STAP1: variants seen among roughly 807,000 people sequenced by gnomAD.
The protein encoded by STAP1 is signal-transducing adaptor protein 1.
Under a neutral mutation model 37.8 loss-of-function variants are expected in STAP1, and 30 were observed. The ratio of observed to expected loss-of-function variants is 0.79; its 90% CI spans 0.59 to 1.08. STAP1 has a LOEUF of 1.08. Among genes scored for constraint, STAP1 ranks in the 50% least tolerant of loss-of-function variants. The pLI, the probability that STAP1 is intolerant of heterozygous loss-of-function variation, is 0.00. For synonymous variants in STAP1, 130 were observed against 116.0 expected, an observed-to-expected ratio of 1.12 and a Z score of -0.78; for missense variants, 357 against 349.4, an observed-to-expected ratio of 1.02 and a Z score of -0.17.
chr4:67,583,495 T>C (rs1213693395), intron 5 of STAP1, 79 bp from the exon 6 acceptor site: 1 of 1,432,264 alleles, frequency 7.0e-7, no homozygotes, highest in African/African-American at 1.5e-5. Flanking sequence ...CTCTCAAAGT[T>C]ATTTTGGTAG....
chr4:67,565,827 A>G lies in STAP1; in HGVS notation c.121-5257A>G, dbSNP rs187163470. Among the ~76,000 whole-genome samples the G allele has an allele frequency of 2.5e-3, 384 of 151,978 alleles. 2 individuals carry two copies. The highest frequency in any genetic ancestry group is 8.7e-3 in the African/African-American group (359 of 41,442). ...TTCAGTGTCTTTTGATATATTCACA[A>G]ACTTATACAACCATCACCAGTATCT... On this transcript the variant is annotated intron_variant, in intron 1 of 8. Coordinates refer to ENST00000265404, the MANE Select transcript of STAP1 (RefSeq NM_012108.4).
At chr4:67,595,400 A>AAT (rs1728203918) in intron 8 of STAP1, among the ~76,000 whole-genome samples, 1 of 138,170 alleles carries the variant, frequency 7.2e-6, no homozygotes, top group African/African-American at 2.8e-5. Flanking sequence ...AAAAAAAAAA[A>AAT]ATGCTGGGTA....
intron 1 of STAP1, among the ~76,000 whole-genome samples, chr4:67,564,746 C>G (rs190427140): frequency 0.011 from 1,691 of 152,170 alleles, 19 homozygotes; most frequent in Non-Finnish European, 0.015. Context: ...AACCCTGCCT[C>G]TACTAAAAAT....
intron 8 of STAP1, among the ~76,000 whole-genome samples, chr4:67,594,979 T>C (rs1728193577): frequency 6.6e-6 from 1 of 152,120 alleles, no homozygotes; most frequent in Non-Finnish European, 1.5e-5. Flanking sequence ...ATTTTCTTAG[T>C]GGGTGATTTG....
chr4:67,574,162 T>C (rs1388693257), intron 2 of STAP1, among the ~76,000 whole-genome samples: 1 of 152,100 alleles, frequency 6.6e-6, no homozygotes, highest in Non-Finnish European at 1.5e-5. Flanking sequence ...GAACAATGTA[T>C]AGTACACAAT....
intron 1 of STAP1, among the ~76,000 whole-genome samples, chr4:67,566,001 T>A (rs1164905033): frequency 1.5e-5 from 2 of 132,690 alleles, no homozygotes; most frequent in East Asian, 2.3e-4. Context: ...CAGTCTAGAG[T>A]GCAGTGGCGC....
intron 8 of STAP1, among the ~76,000 whole-genome samples, chr4:67,596,420 A>G (rs796602258): frequency 1.5e-4 from 23 of 152,272 alleles, no homozygotes; most frequent in African/African-American, 5.5e-4. Flanking sequence ...TAATACAAGA[A>G]TTGGTATTGG....
At chr4:67,575,825 A>T (rs1214945622) in intron 3 of STAP1, among the ~76,000 whole-genome samples, 2 of 152,154 alleles carry the variant, frequency 1.3e-5, no homozygotes, top group Admixed American at 6.5e-5. Flanking sequence ...TAATAACATA[A>T]AGAGAACAAC....
intron 4 of STAP1, among the ~76,000 whole-genome samples, chr4:67,580,704 G>C (rs562772072): frequency 6.6e-6 from 1 of 152,184 alleles, no homozygotes; most frequent in Admixed American, 6.5e-5. Context: ...ATATATAGGT[G>C]AGTCAATCTG....
chr4:67,599,838 C>T (rs932246864), intron 8 of STAP1, among the ~76,000 whole-genome samples: 1 of 151,902 alleles, frequency 6.6e-6, no homozygotes. Flanking sequence ...GACAGGGTTT[C>T]ACCATGTTGG....
chr4:67,560,666 G>T (rs1362102557), intron 1 of STAP1, among the ~76,000 whole-genome samples: 1 of 151,992 alleles, frequency 6.6e-6, no homozygotes, highest in Non-Finnish European at 1.5e-5. Flanking sequence ...GTGTGTGTGT[G>T]TGTGTGTGAC....
At chr4:67,583,402 C>T (rs904696324) in intron 5 of STAP1, among the ~76,000 whole-genome samples, 172 bp from the exon 6 acceptor site, 11 of 152,102 alleles carry the variant, frequency 7.2e-5, no homozygotes, top group African/African-American at 2.4e-4. Context: ...CACAGAGTGG[C>T]ACAGGCTTGT....
chr4:67,559,740 G>C (rs757472972), intron 1 of STAP1, among the ~76,000 whole-genome samples: 14 of 152,048 alleles, frequency 9.2e-5, no homozygotes, highest in Admixed American at 3.9e-4. Flanking sequence ...ACTAAAACTA[G>C]AAAAATTTTA....
chr4:67,566,195 G>C (rs1224187556), intron 1 of STAP1, among the ~76,000 whole-genome samples: 1 of 151,830 alleles, frequency 6.6e-6, no homozygotes, highest in Non-Finnish European at 1.5e-5. Context: ...TGATCTTCCC[G>C]CCTCGGCCTC....
chr4:67,578,819 A>T (rs1727785070), intron 4 of STAP1, among the ~76,000 whole-genome samples: 1 of 137,646 alleles, frequency 7.3e-6, no homozygotes, highest in Non-Finnish European at 1.5e-5. Flanking sequence ...TATAAAATCA[A>T]ATTTATGTGA....
intron 8 of STAP1, among the ~76,000 whole-genome samples, chr4:67,603,774 C>A (rs1728393788): frequency 6.6e-6 from 1 of 151,824 alleles, no homozygotes; most frequent in Admixed American, 6.6e-5. Context: ...AGTTTATGCT[C>A]CCCTCTTCTC....
intron 8 of STAP1, among the ~76,000 whole-genome samples, chr4:67,603,729 G>A (rs1262236250): frequency 1.3e-5 from 2 of 152,098 alleles, no homozygotes; most frequent in Non-Finnish European, 2.9e-5. Context: ...CTGTTCTACT[G>A]TGGGTGAGCT....
chr4:67,603,956 T>C (rs1029891365), intron 8 of STAP1, among the ~76,000 whole-genome samples: 1 of 152,258 alleles, frequency 6.6e-6, no homozygotes, highest in Non-Finnish European at 1.5e-5. Context: ...GGACCCTCAG[T>C]GTTTGTGGCC....
chr4:67,593,590 A>G (rs1420867288), intron 8 of STAP1, among the ~76,000 whole-genome samples: 1 of 152,240 alleles, frequency 6.6e-6, no homozygotes, highest in African/African-American at 2.4e-5. Context: ...TGAGGTATGT[A>G]GTATTACTAT....
Sources: allele counts gnomAD v4.1 joint callset (sites outside exome capture counted in the v4.1 genomes callset), GRCh38; gene constraint gnomAD v4.1.1; transcripts MANE v1.5; gene names NCBI Gene and HGNC (gene_info 2026-07-23, HGNC 2026-07-21).